Variants in KATNIP observed in about 807,000 individuals in gnomAD.
The protein encoded by KATNIP is katanin interacting protein.
A neutral mutation model predicts 174.0 loss-of-function variants in KATNIP; 126 were observed. The observed-to-expected ratio is 0.72, with a 90% CI of 0.63 to 0.84. The LOEUF is 0.84. Ranked by LOEUF, KATNIP falls within the 40% of genes least tolerant of loss-of-function variation. The probability of loss-of-function intolerance (pLI) is 0.00; values close to 1 mark genes in which losing one functional copy is unlikely to be tolerated. For synonymous variants in KATNIP, 810 were observed against 835.7 expected (o/e 0.97, Z 0.53); for missense variants, 1,958 against 2,109.7 (o/e 0.93, Z 1.41).
At chr16:27,695,609 T>G (rs919273599) in intron 8 of KATNIP, among the ~76,000 whole-genome samples, 1 of 152,208 alleles carries the variant, frequency 6.6e-6, no homozygotes. Context: ...CAGCTTATGG[T>G]CTCTCACCAT....
chr16:27,774,810 G>A, intron 23 of KATNIP, 135 bp from the exon 24 acceptor site: 1 of 991,108 alleles, frequency 1.0e-6, no homozygotes, highest in East Asian at 2.5e-5. Context: ...GTCCAATTCA[G>A]CTGTCACTGC....
intron 12 of KATNIP, among the ~76,000 whole-genome samples, chr16:27,706,149 C>G (rs1343444149): frequency 1.3e-5 from 2 of 152,190 alleles, no homozygotes; most frequent in African/African-American, 4.8e-5. Context: ...GTGGAAAGCT[C>G]AGTCCCACCC....
intron 1 of KATNIP, among the ~76,000 whole-genome samples, chr16:27,550,837 C>G (rs2089324564): frequency 6.6e-6 from 1 of 152,224 alleles, no homozygotes; most frequent in East Asian, 1.9e-4. Flanking sequence ...ACCCAGACAC[C>G]CTGTCTCTGG....
At chr16:27,678,017 C>A (rs1484656264) in intron 7 of KATNIP, 21 bp downstream of exon 7, 5 of 1,605,908 alleles carry the variant, frequency 3.1e-6, no homozygotes, top group South Asian at 2.2e-5. Flanking sequence ...TCTTGTATAT[C>A]ATTTCTTTGC....
intron 5 of KATNIP, among the ~76,000 whole-genome samples, chr16:27,633,584 G>A (rs553847769): frequency 6.8e-4 from 103 of 151,862 alleles, no homozygotes; most frequent in Non-Finnish European, 1.1e-3. Flanking sequence ...GAGCCTCCAC[G>A]TCAGGCCTGT....
intron 12 of KATNIP, among the ~76,000 whole-genome samples, chr16:27,704,913 T>C (rs1464770248): frequency 7.0e-6 from 1 of 141,936 alleles, no homozygotes; most frequent in African/African-American, 2.9e-5. Context: ...TTTCTTTTTT[T>C]TTTTTTTTTT....
In KATNIP at chr16:27,740,558, G is replaced by A. The variant is rs765265294; in HGVS notation, c.2261G>A (p.Trp754Ter). The change falls in exon 15 of 28, where the codon TGG (tryptophan) becomes TAG (stop). Residue 754 changes from tryptophan (W) to a stop codon, truncating the protein, a stop_gained. Transcript: ENST00000261588. LOFTEE classifies it high-confidence loss of function. ...ICEPPGKTPS[W>*]LQPSPTGKDR... ...GAGCCACCCGGGAAAACCCCATCCT[G>A]GTTACAACCTTCTCCCACCGGCAAG... 7 of 1,614,100 alleles carry A rather than the reference G, an allele frequency of 4.3e-6. No homozygotes were observed. In the South Asian group the frequency reaches 6.6e-5, roughly 15 times the overall value.
intron 18 of KATNIP, among the ~76,000 whole-genome samples, chr16:27,758,377 C>T (rs1050438721): frequency 6.6e-6 from 1 of 152,086 alleles, no homozygotes; most frequent in Admixed American, 6.6e-5. Context: ...CTGTATCTGT[C>T]CCCTTCAACC....
intron 1 of KATNIP, among the ~76,000 whole-genome samples, chr16:27,571,620 C>G (rs1221385486): frequency 6.6e-6 from 1 of 152,240 alleles, no homozygotes; most frequent in African/African-American, 2.4e-5. Flanking sequence ...CTGCTCCCTC[C>G]TGCTGCCTGC....
chr16:27,756,726 GA>G (rs780171863), intron 18 of KATNIP, among the ~76,000 whole-genome samples: 2 of 152,150 alleles, frequency 1.3e-5, no homozygotes, highest in African/African-American at 2.4e-5. Flanking sequence ...ATGAATAATG[GA>G]AATTTAATTC....
intron 2 of KATNIP, among the ~76,000 whole-genome samples, chr16:27,599,912 GC>G (rs2075460286): frequency 6.6e-6 from 1 of 152,092 alleles, no homozygotes; most frequent in African/African-American, 2.4e-5. Context: ...GCCTTAGCAC[GC>G]CTCCACTTTG....
At chr16:27,758,230 A>G (rs536575600) in intron 18 of KATNIP, among the ~76,000 whole-genome samples, 19 of 152,076 alleles carry the variant, frequency 1.2e-4, no homozygotes, top group Non-Finnish European at 7.4e-5. Context: ...CCAAATCCAC[A>G]TCCTCCTCCA....
At chr16:27,692,830 C>A (rs2078783880) in intron 8 of KATNIP, among the ~76,000 whole-genome samples, 1 of 152,226 alleles carries the variant, frequency 6.6e-6, no homozygotes, top group African/African-American at 2.4e-5. Context: ...TGTACTCCCA[C>A]ACCAAGAGCA....
At chr16:27,665,597 GT>G (rs2077652235) in intron 6 of KATNIP, among the ~76,000 whole-genome samples, 1 of 150,146 alleles carries the variant, frequency 6.7e-6, no homozygotes. Context: ...CCATGTCTGT[GT>G]TTTTATTATT....
At chr16:27,713,838 A>G (rs1250119915) in intron 13 of KATNIP, among the ~76,000 whole-genome samples, 1 of 76,120 alleles carries the variant, frequency 1.3e-5, no homozygotes, top group Non-Finnish European at 2.5e-5. Flanking sequence ...ATATATATAT[A>G]TATATATATA....
chr16:27,614,424 G>A (rs2075983959), intron 2 of KATNIP, among the ~76,000 whole-genome samples: 1 of 152,126 alleles, frequency 6.6e-6, no homozygotes, highest in Non-Finnish European at 1.5e-5. Flanking sequence ...GCCTCCCAAA[G>A]TGCTGGGATT....
chr16:27,758,572 C>T (rs577389422), intron 18 of KATNIP, among the ~76,000 whole-genome samples: 102 of 152,310 alleles, frequency 6.7e-4, no homozygotes, highest in Middle Eastern at 3.4e-3. Flanking sequence ...CCAGGCTTCT[C>T]GATATGATCT....
At chr16:27,586,828 C>CAA (rs561285567) in intron 2 of KATNIP, among the ~76,000 whole-genome samples, 4 of 82,548 alleles carry the variant, frequency 4.8e-5, no homozygotes, top group South Asian at 3.8e-4. Context: ...GACCCTGTCT[C>CAA]AAAAAAAAAA....
At chr16:27,749,368 CAGTG>C (rs2081404863) in intron 15 of KATNIP, among the ~76,000 whole-genome samples, 1 of 152,194 alleles carries the variant, frequency 6.6e-6, no homozygotes, top group Non-Finnish European at 1.5e-5. Context: ...GGCCCCCATG[CAGTG>C]CAGGATGGTA....
Sources: gnomAD v4.1 joint callset for allele counts (sites outside exome capture counted in the v4.1 genomes callset) on GRCh38, gnomAD v4.1.1 for gene constraint, MANE v1.5 for transcripts, NCBI Gene and HGNC (gene_info 2026-07-23, HGNC 2026-07-21) for gene names.